NRXN3: variants seen among roughly 807,000 people sequenced by gnomAD.
NRXN3 encodes the protein neurexin III.
In NRXN3, 32 loss-of-function variants were observed where a neutral mutation model predicts 137.6. That is an observed-to-expected ratio of 0.23 (90% CI 0.18 to 0.31). The LOEUF (loss-of-function observed/expected upper bound fraction) is 0.31. Ranked by LOEUF, NRXN3 falls within the 10% of genes least tolerant of loss-of-function variation. The pLI, the probability that NRXN3 is intolerant of heterozygous loss-of-function variation, is 1.00. For synonymous variants in NRXN3, 798 were observed against 784.5 expected, an observed-to-expected ratio of 1.02 and a Z score of -0.29; for missense variants, 1,574 against 2,062.5, an observed-to-expected ratio of 0.76 and a Z score of 4.59.
At chr14:79,282,141 A>G (rs186891202) in intron 15 of NRXN3, among the ~76,000 whole-genome samples, 2 of 152,114 alleles carry the variant, frequency 1.3e-5, no homozygotes, top group East Asian at 3.9e-4. Context: ...CCTAGGAGAA[A>G]AAAGAGCCAC....
At chr14:79,848,555 C>T (rs986423611) in intron 20 of NRXN3, among the ~76,000 whole-genome samples, 4 of 152,122 alleles carry the variant, frequency 2.6e-5, no homozygotes, top group African/African-American at 9.7e-5. Context: ...AGATTGAACA[C>T]CTCTGCATTA....
intron 15 of NRXN3, among the ~76,000 whole-genome samples, chr14:79,319,524 C>T (rs1458990621): frequency 6.6e-6 from 1 of 152,062 alleles, no homozygotes; most frequent in African/African-American, 2.4e-5. Context: ...TTAGCGGAAG[C>T]AGACTTGATG....
At chr14:79,449,228 C>T (rs2096122987) in intron 15 of NRXN3, among the ~76,000 whole-genome samples, 1 of 152,134 alleles carries the variant, frequency 6.6e-6, no homozygotes, top group Non-Finnish European at 1.5e-5. Context: ...TAAATAGCCA[C>T]TATACTTGTC....
chr14:79,361,995 T>A (rs950076833), intron 15 of NRXN3, among the ~76,000 whole-genome samples: 1 of 114,366 alleles, frequency 8.7e-6, no homozygotes, highest in African/African-American at 3.0e-5. Context: ...TCTACTTTTA[T>A]AATTATTATT....
Position 78,694,085 on chromosome 14 carries a change from G to A in NRXN3, c.1222-15132G>A, listed in dbSNP as rs189778731. Among the ~76,000 whole-genome samples, 36 of 152,014 alleles carry A rather than the reference G, an allele frequency of 2.4e-4. 2 individuals carry two copies. Among genetic ancestry groups the A allele is most frequent in the African/African-American group, 8.4e-4 (35 of 41,448 alleles). The stretch of plus-strand genomic sequence containing the variant: ...ACTCCATCCTTTCAAAGGCATTTCT[G>A]ATTGCCCCTTCCCTCTGCCCACAGC... On this transcript the variant is annotated intron_variant, in intron 6 of 20. Transcript: ENST00000335750.
At chr14:79,737,507 T>A (rs2098946158) in intron 19 of NRXN3, among the ~76,000 whole-genome samples, 1 of 152,220 alleles carries the variant, frequency 6.6e-6, no homozygotes, top group South Asian at 2.1e-4. Flanking sequence ...CAATATATAT[T>A]GTTATTCCTG....
chr14:79,512,341 C>G (rs1445687788), intron 16 of NRXN3, among the ~76,000 whole-genome samples: 1 of 152,118 alleles, frequency 6.6e-6, no homozygotes, highest in Non-Finnish European at 1.5e-5. Context: ...TCTCCTGTTT[C>G]CTTATCCATA....
intron 15 of NRXN3, among the ~76,000 whole-genome samples, chr14:79,066,872 C>T (rs778505609): frequency 5.3e-5 from 8 of 152,064 alleles, no homozygotes; most frequent in Middle Eastern, 3.2e-3. Context: ...TGAGCTGAGC[C>T]GATGGGGTTT....
intron 4 of NRXN3, among the ~76,000 whole-genome samples, chr14:78,505,043 C>T (rs1276047207): frequency 2.0e-5 from 3 of 152,122 alleles, no homozygotes; most frequent in Non-Finnish European, 4.4e-5. Context: ...AAGACCATTC[C>T]ATTACAAACA....
rs1434091150 is a variant in NRXN3, at chr14:78,439,051, A to G, written c.757+141191A>G. The stretch of plus-strand genomic sequence containing the variant: ...CAGTGGGGAAAGGAATGTGAAGGTC[A>G]CTTGCTTGAGGGGGAGACATGGTTG... On this transcript the variant is annotated intron_variant, in intron 4 of 20. Transcript: ENST00000335750. 3.9e-5 allele frequency among the ~76,000 whole-genome samples: 6 copies of G among 152,284 alleles called. No homozygotes were observed. The East Asian group carries it at 1.2e-3, about 29-fold the overall frequency.
At chr14:78,361,399 C>G (rs1453999494) in intron 4 of NRXN3, among the ~76,000 whole-genome samples, 1 of 152,172 alleles carries the variant, frequency 6.6e-6, no homozygotes, top group African/African-American at 2.4e-5. Flanking sequence ...TATCTGTTGA[C>G]CAGTACAACT....
intron 19 of NRXN3, among the ~76,000 whole-genome samples, chr14:79,804,350 C>T (rs1327605757): frequency 1.3e-5 from 2 of 152,138 alleles, no homozygotes; most frequent in Non-Finnish European, 2.9e-5. Flanking sequence ...ACAGCTGATA[C>T]TCAGTCTCCT....
intron 4 of NRXN3, among the ~76,000 whole-genome samples, chr14:78,390,569 A>G (rs1253612164): frequency 6.6e-6 from 1 of 152,212 alleles, no homozygotes; most frequent in African/African-American, 2.4e-5. Flanking sequence ...AAGATAGAGC[A>G]AAGACTCTCT....
At chr14:79,273,503 G>A (rs897846215) in intron 15 of NRXN3, among the ~76,000 whole-genome samples, 5 of 151,844 alleles carry the variant, frequency 3.3e-5, no homozygotes, top group East Asian at 2.0e-4. Flanking sequence ...GCGTGGTGGT[G>A]GGCACCTGTA....
intron 15 of NRXN3, among the ~76,000 whole-genome samples, chr14:79,151,894 AT>A (rs2059834691): frequency 6.6e-6 from 1 of 152,108 alleles, no homozygotes; most frequent in African/African-American, 2.4e-5. Context: ...TCTTTTAAAA[AT>A]AGTGTTTTAT....
intron 15 of NRXN3, among the ~76,000 whole-genome samples, chr14:79,454,299 G>A (rs1281443609): frequency 1.3e-5 from 2 of 152,096 alleles, no homozygotes; most frequent in African/African-American, 2.4e-5. Context: ...GGCCACGATG[G>A]TCTCGATCTC....
At chr14:78,671,480 G>A (rs892227581) in intron 6 of NRXN3, among the ~76,000 whole-genome samples, 4 of 152,078 alleles carry the variant, frequency 2.6e-5, no homozygotes, top group Admixed American at 6.6e-5. Flanking sequence ...CAGTATCTGG[G>A]TGATGGGATC....
intron 10 of NRXN3, among the ~76,000 whole-genome samples, chr14:78,821,440 A>T (rs929791746): frequency 5.3e-5 from 8 of 152,122 alleles, no homozygotes; most frequent in African/African-American, 1.9e-4. Context: ...ATCCGAGGAG[A>T]AGGAACTGCC....
rs34025659 is a variant in NRXN3, at chr14:79,560,504, C to CTTTTTTTTTTTTTTTTTTTTTT, written c.3444+93105_3444+93126dup. ...AATTCTACAAGGACAAGATTGTAAG[C>CTTTTTTTTTTTTTTTTTTTTTT]TTTTTTTTTTTTTTTTTTTTTTTTG... On this transcript the variant is annotated intron_variant, in intron 16 of 20. Coordinates refer to ENST00000335750, the MANE Select transcript of NRXN3 (RefSeq NM_001330195.2). 3.4e-4 allele frequency among the ~76,000 whole-genome samples: 15 copies of CTTTTTTTTTTTTTTTTTTTTTT among 43,768 alleles called. 4 individuals carry two copies. In the East Asian group the frequency reaches 4.2e-3, roughly 12 times the overall value. The allele number at this position is 43,768 out of a possible 152,430, so 28.7% of individuals were successfully genotyped here. A position where few individuals can be genotyped will look rare whatever the true frequency, so the allele number is the denominator to read the frequency against.
Sources: gnomAD v4.1 joint callset for allele counts (sites outside exome capture counted in the v4.1 genomes callset) on GRCh38, gnomAD v4.1.1 for gene constraint, MANE v1.5 for transcripts, NCBI Gene and HGNC (gene_info 2026-07-23, HGNC 2026-07-21) for gene names.